HNF4G: variants seen among roughly 807,000 people sequenced by gnomAD.
HNF4G encodes hepatocyte nuclear factor 4 gamma, also known as hepatocyte nuclear factor 4-gamma.
Under a neutral mutation model 50.9 loss-of-function variants are expected in HNF4G, and 21 were observed. The ratio of observed to expected loss-of-function variants is 0.41; its 90% CI spans 0.29 to 0.59. The LOEUF is 0.59. Ranked by LOEUF, HNF4G falls within the 20% of genes least tolerant of loss-of-function variation. The pLI, the probability that HNF4G is intolerant of heterozygous loss-of-function variation, is 0.26. For missense variants in HNF4G, 527 were observed against 559.4 expected, an observed-to-expected ratio of 0.94 and a Z score of 0.58; for synonymous variants, 198 against 185.6, an observed-to-expected ratio of 1.07 and a Z score of -0.54.
intron 1 of HNF4G, among the ~76,000 whole-genome samples, chr8:75,484,109 A>T (rs1053559165): frequency 6.6e-6 from 1 of 152,218 alleles, no homozygotes; most frequent in Non-Finnish European, 1.5e-5. Context: ...AAAATTGGCA[A>T]TATATTTTCC....
At chr8:75,548,858 A>G (rs1029967116) in intron 3 of HNF4G, among the ~76,000 whole-genome samples, 2 of 152,188 alleles carry the variant, frequency 1.3e-5, no homozygotes, top group African/African-American at 4.8e-5. Context: ...CAGAAATACC[A>G]TTAGTTTTGC....
chr8:75,518,979 A>G (rs796705665), intron 2 of HNF4G, among the ~76,000 whole-genome samples: 7 of 152,294 alleles, frequency 4.6e-5, no homozygotes, highest in African/African-American at 1.4e-4. Context: ...CTCTTTAAAC[A>G]TAAGTTCCAA....
intron 1 of HNF4G, among the ~76,000 whole-genome samples, chr8:75,468,953 T>TTG (rs2130627180): frequency 6.6e-6 from 1 of 152,050 alleles, no homozygotes; most frequent in Non-Finnish European, 1.5e-5. Context: ...GCTGCATTAG[T>TTG]TAGCTATTGC....
rs116714078 is a variant in HNF4G at position 75,481,754 on chromosome 8, A to G, written c.-143-8335A>G. Reference sequence around the variant, plus strand: ...GCCAAATTCTATTTCAATAAAAATTATGCATCTAAATTTTCAATGAAATTT... The same window carrying G: ...GCCAAATTCTATTTCAATAAAAATTGTGCATCTAAATTTTCAATGAAATTT... On this transcript the variant is annotated intron_variant, in intron 1 of 10. Transcript: ENST00000354370. 4.4e-3 allele frequency among the ~76,000 whole-genome samples: 665 copies of G among 152,266 alleles called. 5 individuals carry two copies. Among genetic ancestry groups the G allele is most frequent in the African/African-American group, 0.014 (568 of 41,554 alleles).
At chr8:75,491,375 T>C (rs945843762) in intron 2 of HNF4G, among the ~76,000 whole-genome samples, 4 of 152,300 alleles carry the variant, frequency 2.6e-5, no homozygotes, top group Non-Finnish European at 4.4e-5. Flanking sequence ...TGAGTAATTA[T>C]ACACTAAAAT....
At chr8:75,499,560 C>A (rs1463181482) in intron 2 of HNF4G, among the ~76,000 whole-genome samples, 1 of 143,290 alleles carries the variant, frequency 7.0e-6, no homozygotes, top group Admixed American at 7.0e-5. Flanking sequence ...ATTCAAGAGA[C>A]CTAAAATATG....
intron 1 of HNF4G, among the ~76,000 whole-genome samples, chr8:75,436,019 A>G (rs1811128563): frequency 6.6e-6 from 1 of 152,230 alleles, no homozygotes; most frequent in Non-Finnish European, 1.5e-5. Context: ...GTATATATCA[A>G]TAGTCTGTTG....
At chr8:75,424,759 T>C (rs969954470) in intron 1 of HNF4G, among the ~76,000 whole-genome samples, 1 of 152,206 alleles carries the variant, frequency 6.6e-6, no homozygotes, top group Non-Finnish European at 1.5e-5. Flanking sequence ...CCATGGTATA[T>C]ATATATGCCA....
At chr8:75,528,370 T>C (rs1806237461) in intron 2 of HNF4G, among the ~76,000 whole-genome samples, 1 of 152,192 alleles carries the variant, frequency 6.6e-6, no homozygotes, top group Admixed American at 6.5e-5. Flanking sequence ...AGCCTTAAAC[T>C]TCATGTAAAA....
At chr8:75,476,027 C>T (rs1167124848) in intron 1 of HNF4G, among the ~76,000 whole-genome samples, 2 of 152,050 alleles carry the variant, frequency 1.3e-5, no homozygotes, top group African/African-American at 4.8e-5. Context: ...ATTTGGGCTT[C>T]TAGTGTACCC....
At chr8:75,519,500 A>G (rs981609807) in intron 2 of HNF4G, among the ~76,000 whole-genome samples, 6 of 152,330 alleles carry the variant, frequency 3.9e-5, no homozygotes, top group East Asian at 3.9e-4. Context: ...TGGGTAATTT[A>G]TAAAAGAAAA....
intron 2 of HNF4G, among the ~76,000 whole-genome samples, chr8:75,513,187 A>T (rs543786538): frequency 6.6e-6 from 1 of 151,714 alleles, no homozygotes; most frequent in Non-Finnish European, 1.5e-5. Context: ...ACAGGCTCCT[A>T]CCACCACGCC....
intron 2 of HNF4G, among the ~76,000 whole-genome samples, 194 bp from the exon 3 acceptor site, chr8:75,547,393 A>T (rs928760103): frequency 1.3e-5 from 2 of 152,240 alleles, no homozygotes; most frequent in Non-Finnish European, 2.9e-5. Context: ...TACTATAAAG[A>T]CTAAGTGAGA....
chr8:75,557,543 C>T (rs953795996), intron 6 of HNF4G, among the ~76,000 whole-genome samples: 5 of 152,170 alleles, frequency 3.3e-5, no homozygotes, highest in Non-Finnish European at 5.9e-5. Context: ...ATCACTTGAA[C>T]CTGAGCAGCA....
At chr8:75,521,488 A>G (rs1806041088) in intron 2 of HNF4G, among the ~76,000 whole-genome samples, 1 of 152,180 alleles carries the variant, frequency 6.6e-6, no homozygotes, top group African/African-American at 2.4e-5. Flanking sequence ...TTTTTCCAAC[A>G]GTCATTTAAT....
At chr8:75,472,367 T>G (rs1367876681) in intron 1 of HNF4G, among the ~76,000 whole-genome samples, 1 of 152,184 alleles carries the variant, frequency 6.6e-6, no homozygotes, top group Non-Finnish European at 1.5e-5. Context: ...CTGGCCCACT[T>G]TGAAATCTCC....
rs1364430697 is a variant in HNF4G at position 75,558,585 on chromosome 8, A to C, written c.801A>C (p.Leu267=). The change falls in exon 7 of 10, where the codon CTA becomes CTC. Residue 267 remains leucine, a synonymous_variant. Coordinates refer to ENST00000396423, the MANE Select transcript of HNF4G (RefSeq NM_004133.5). ...TTAGCCGTGTGGCCAATCGTGTTCT[A>C]GATGAGCTGGTTAGACCATTTCAAG... The part of the protein sequence containing the change: ...VEISRVANRV[L]DELVRPFQEI... 6.2e-7 allele frequency: 1 copy of C among 1,613,748 alleles called. No homozygotes were observed. The highest frequency in any genetic ancestry group is 1.7e-5 in the Admixed American group (1 of 60,002).
intron 6 of HNF4G, among the ~76,000 whole-genome samples, chr8:75,556,445 A>T (rs1216731291): frequency 1.3e-5 from 2 of 152,138 alleles, no homozygotes; most frequent in Non-Finnish European, 2.9e-5. Flanking sequence ...TACACACTTT[A>T]AAAAAACATG....
At position 75,547,700 on chromosome 8, in the gene HNF4G, ATAAT is replaced by A. The variant is rs780159748; in HGVS notation, c.382+23_382+26del. Reference sequence around the variant, plus strand: ...AAAGAAGGTAATAATAATGATGATGATAATTAACATTATTGATGAAAAGTGATAA... The same window carrying A: ...AAAGAAGGTAATAATAATGATGATGATAACATTATTGATGAAAAGTGATAA... On this transcript the variant is annotated intron_variant, in intron 3 of 9. Coordinates refer to ENST00000396423, the MANE Select transcript of HNF4G (RefSeq NM_004133.5). 4.4e-6 allele frequency: 6 copies of A among 1,362,572 alleles called. No homozygotes were observed. Among genetic ancestry groups the A allele is most frequent in the South Asian group, 2.3e-5 (2 of 86,014 alleles). 84.4% of individuals were successfully genotyped at this position (1,362,572 alleles called of 1,614,324 possible).
Sources: gnomAD v4.1 joint callset for allele counts (sites outside exome capture counted in the v4.1 genomes callset) on GRCh38, gnomAD v4.1.1 for gene constraint, MANE v1.5 for transcripts, NCBI Gene and HGNC (gene_info 2026-07-23, HGNC 2026-07-21) for gene names.